GRIK3: variants seen among roughly 807,000 people sequenced by gnomAD.
The protein encoded by GRIK3 is glutamate ionotropic receptor kainate type subunit 3, also known as glutamate receptor ionotropic, kainate 3.
GRIK3 carries 29 observed loss-of-function variants against 102.5 expected under a neutral mutation model. The observed-to-expected ratio is 0.28, with a 90% confidence interval of 0.21 to 0.39. GRIK3 has a LOEUF of 0.39. Ranked by LOEUF, GRIK3 falls within the 10% of genes least tolerant of loss-of-function variation. GRIK3 has a pLI of 1.00. For synonymous variants in GRIK3, 511 were observed against 504.9 expected (o/e 1.01, Z -0.16); for missense variants, 908 against 1,252.4 (o/e 0.73, Z 4.15).
At position 36,841,538 on chromosome 1, in the gene GRIK3, T is replaced by A. The variant is rs1006735312; in HGVS notation, c.1530+198A>T. ...ACGGAGGAGAATGGCGTTGGGAGTA[T>A]GAGCAAGGCAGCCCATGAGAGCTGG... On this transcript the variant is annotated intron_variant, in intron 10 of 15. Coordinates refer to ENST00000373091, the MANE Select transcript of GRIK3 (RefSeq NM_000831.4). 4.6e-5 allele frequency among the ~76,000 whole-genome samples: 7 copies of A among 152,138 alleles called. No homozygotes were observed. The East Asian group carries it at 5.8e-4, about 13-fold the overall frequency.
intron 1 of GRIK3, among the ~76,000 whole-genome samples, chr1:36,895,956 A>T (rs1174384718): frequency 2.0e-5 from 3 of 152,220 alleles, no homozygotes; most frequent in Admixed American, 6.5e-5. Context: ...CATGCAAGCA[A>T]GAAGAGGGTG....
chr1:36,882,676 C>A (rs1025352634), intron 2 of GRIK3, among the ~76,000 whole-genome samples: 1 of 152,092 alleles, frequency 6.6e-6, no homozygotes, highest in African/African-American at 2.4e-5. Context: ...GCCATGAGAT[C>A]CACTGGACTG....
At chr1:36,956,567 C>A (rs1251189790) in intron 1 of GRIK3, among the ~76,000 whole-genome samples, 1 of 152,114 alleles carries the variant, frequency 6.6e-6, no homozygotes, top group Admixed American at 6.5e-5. Context: ...CACTCTCGAC[C>A]ATCACATGCC....
chr1:36,871,251 G>A (rs573224305), intron 4 of GRIK3, among the ~76,000 whole-genome samples: 1 of 152,308 alleles, frequency 6.6e-6, no homozygotes, highest in East Asian at 1.9e-4. Context: ...GTGTAAAGGA[G>A]CTTCCTTTGT....
chr1:36,813,284 A>T (rs1194653546), intron 13 of GRIK3, among the ~76,000 whole-genome samples: 1 of 152,214 alleles, frequency 6.6e-6, no homozygotes, highest in Non-Finnish European at 1.5e-5. Context: ...GGATGTTATA[A>T]ACAAATACAG....
chr1:36,992,992 G>T (rs888352763), intron 1 of GRIK3, among the ~76,000 whole-genome samples: 1 of 151,990 alleles, frequency 6.6e-6, no homozygotes, highest in Non-Finnish European at 1.5e-5. Context: ...GGACATCTGG[G>T]TTCAATAACC....
intron 1 of GRIK3, among the ~76,000 whole-genome samples, chr1:36,941,753 C>T (rs1212437004): frequency 1.3e-5 from 2 of 152,216 alleles, no homozygotes; most frequent in African/African-American, 4.8e-5. Context: ...GCTTATTTTA[C>T]CCATTTCACA....
chr1:36,948,224 T>C (rs984025978), intron 1 of GRIK3, among the ~76,000 whole-genome samples: 2 of 152,224 alleles, frequency 1.3e-5, no homozygotes, highest in Admixed American at 6.5e-5. Context: ...GGGACATTTT[T>C]CTGAAACTTG....
chr1:36,802,540 C>T (rs1044049473), intron 15 of GRIK3, among the ~76,000 whole-genome samples: 1 of 152,222 alleles, frequency 6.6e-6, no homozygotes, highest in Non-Finnish European at 1.5e-5. Flanking sequence ...AGTGTCTTCC[C>T]ACTCAGGGAA....
At chr1:37,017,790 C>T (rs563293) in intron 1 of GRIK3, among the ~76,000 whole-genome samples, 24,027 of 152,086 alleles carry the variant, frequency 0.16, 2,760 homozygotes, top group African/African-American at 0.31. Flanking sequence ...GATCACAATG[C>T]TAACGGTTGT....
chr1:37,027,644 C>T (rs1262225879), intron 1 of GRIK3, among the ~76,000 whole-genome samples: 2 of 152,294 alleles, frequency 1.3e-5, no homozygotes, highest in East Asian at 1.9e-4. Flanking sequence ...AGACGTCACA[C>T]GTATTTAACC....
intron 1 of GRIK3, among the ~76,000 whole-genome samples, chr1:37,022,971 A>C (rs1642730628): frequency 6.6e-6 from 1 of 152,230 alleles, no homozygotes; most frequent in African/African-American, 2.4e-5. Context: ...AGGTTGAGAA[A>C]TGCTTCCTGG....
intron 11 of GRIK3, among the ~76,000 whole-genome samples, chr1:36,824,955 G>A (rs181452617): frequency 1.3e-5 from 2 of 152,332 alleles, no homozygotes; most frequent in African/African-American, 4.8e-5. Context: ...GCTGTAAAGT[G>A]CAGAGCACAG....
chr1:36,869,648 C>T, intron 5 of GRIK3, 100 bp downstream of exon 5: 1 of 913,146 alleles, frequency 1.1e-6, no homozygotes, highest in Non-Finnish European at 1.8e-6. Context: ...GAGGAAGCTG[C>T]AGCAATTGTC....
intron 1 of GRIK3, among the ~76,000 whole-genome samples, chr1:36,926,094 T>C (rs1641523896): frequency 6.6e-6 from 1 of 152,246 alleles, no homozygotes; most frequent in Non-Finnish European, 1.5e-5. Context: ...CATTTTCTTA[T>C]GATCCCTGAG....
At chr1:36,944,700 C>A (rs1641763436) in intron 1 of GRIK3, among the ~76,000 whole-genome samples, 1 of 152,168 alleles carries the variant, frequency 6.6e-6, no homozygotes, top group Non-Finnish European at 1.5e-5. Context: ...TCTCCCAAGG[C>A]CACTGAGTGT....
At chr1:36,835,432 A>G (rs979080466) in intron 10 of GRIK3, among the ~76,000 whole-genome samples, 2 of 152,200 alleles carry the variant, frequency 1.3e-5, no homozygotes, top group African/African-American at 4.8e-5. Flanking sequence ...CACACTTTAT[A>G]AAGTTTTTCC....
At chr1:36,855,434 A>G (rs1640640579) in intron 7 of GRIK3, among the ~76,000 whole-genome samples, 1 of 152,202 alleles carries the variant, frequency 6.6e-6, no homozygotes. Flanking sequence ...CTCCAAGCAC[A>G]TGGGCAGCTC....
At position 36,841,851 on chromosome 1, in the gene GRIK3, T is replaced by A. The variant is rs1266139402; in HGVS notation, c.1415A>T (p.Glu472Val). 6.2e-7 allele frequency: 1 copy of A among 1,614,132 alleles called. No homozygotes were observed. The highest frequency in any genetic ancestry group is 1.1e-5 in the South Asian group (1 of 91,074). ...FEGYCIDLLKELAHILGFSYE... is the reference protein window; with the variant it reads ...FEGYCIDLLKVLAHILGFSYE... ...GGAGAAACCAAGGATGTGGGCCAGCTCCTTTAGCAGGTCGATGCAGTAGCC... is the reference window on the plus strand; with the variant it reads ...GGAGAAACCAAGGATGTGGGCCAGCACCTTTAGCAGGTCGATGCAGTAGCC... Residue 472 changes from glutamate to valine, a missense_variant, in exon 10 of 16, where the codon GAG becomes GTG. Glu to Val is a moderately radical substitution (Grantham distance 121). This residue lies in a region of GRIK3 where 585 missense variants were observed against 824.9 expected (regional missense o/e 0.71). Coordinates refer to ENST00000373091, the MANE Select transcript of GRIK3 (RefSeq NM_000831.4).
Sources: gnomAD v4.1 joint callset for allele counts (sites outside exome capture counted in the v4.1 genomes callset) on GRCh38, gnomAD v4.1.1 for gene constraint, gnomAD v4.1.1 regional missense constraint, MANE v1.5 for transcripts, NCBI Gene and HGNC (gene_info 2026-07-23, HGNC 2026-07-21) for gene names.